ZNF197: variants seen among roughly 807,000 people sequenced by gnomAD.
ZNF197 encodes the protein VHL-associated KRAB-A domain-containing protein.
In ZNF197, 14 loss-of-function variants were observed where a neutral mutation model predicts 27.4. The observed-to-expected ratio is 0.51, with a 90% CI of 0.34 to 0.80. ZNF197 has a LOEUF of 0.80. Ranked by LOEUF, ZNF197 falls within the 30% of genes least tolerant of loss-of-function variation. The pLI is 0.02. For missense variants in ZNF197, 1,090 were observed against 1,222.6 expected, an observed-to-expected ratio of 0.89 and a Z score of 1.62; for synonymous variants, 415 against 420.0, an observed-to-expected ratio of 0.99 and a Z score of 0.15.
chr3:44,639,146 C>T (rs1472351049), intron 5 of ZNF197, among the ~76,000 whole-genome samples: 2 of 152,094 alleles, frequency 1.3e-5, no homozygotes, highest in East Asian at 3.9e-4. Context: ...TAGTGTTATA[C>T]CAACATTATT....
chr3:44,642,165 G>A lies in ZNF197; in HGVS notation c.1035G>A (p.Lys345=). The change falls in exon 6 of 6, where the codon AAG becomes AAA. Residue 345 remains lysine (K), a synonymous_variant. Coordinates refer to ENST00000344387, the MANE Select transcript of ZNF197 (RefSeq NM_006991.5). ...CAGAGAAACAAGGCCAAAAGTGGAAGGAATTAGGAGACAGCTTGACTTTCG... is the reference window on the plus strand; with the variant it reads ...CAGAGAAACAAGGCCAAAAGTGGAAAGAATTAGGAGACAGCTTGACTTTCG... ...TPPEKQGQKW[K]ELGDSLTFGS... The A allele has an allele frequency of 6.2e-7, 1 of 1,614,168 alleles. No individual in the cohort carries two copies. Among genetic ancestry groups the A allele is most frequent in the Non-Finnish European group, 8.5e-7 (1 of 1,180,026 alleles).
intron 5 of ZNF197, among the ~76,000 whole-genome samples, chr3:44,634,021 A>T (rs972929473): frequency 6.6e-6 from 1 of 152,172 alleles, no homozygotes; most frequent in African/African-American, 2.4e-5. Context: ...TAGATTTTAT[A>T]CTTTGATACA....
chr3:44,645,996 A>G lies in ZNF197; in HGVS notation c.*1776A>G, dbSNP rs1005561004. On this transcript the variant is annotated 3_prime_UTR_variant, in exon 6 of 6. Coordinates refer to ENST00000344387, the MANE Select transcript of ZNF197 (RefSeq NM_006991.5). ...CTGAATATGAAGATTGTGTTTTTTA[A>G]TAATGTCAAAGTGGTGTGTTGATTA... The G allele has an allele frequency of 5.2e-5, 51 of 985,322 alleles. No homozygotes were observed. Among genetic ancestry groups the G allele is most frequent in the Non-Finnish European group, 6.0e-5 (50 of 829,938 alleles). The allele number at this position is 985,322 out of a possible 1,614,324, so 61.0% of individuals were successfully genotyped here.
At position 44,648,229 on chromosome 3, in the gene ZNF197, C is replaced by CG. The variant is rs1703070355; in HGVS notation, c.*4011dup. The CG allele has an allele frequency of 6.6e-6, 1 of 151,822 alleles. No homozygotes were observed. Among genetic ancestry groups the CG allele is most frequent in the African/African-American group, 2.4e-5 (1 of 41,300 alleles). 9.4% of individuals were successfully genotyped at this position (151,822 alleles called of 1,614,324 possible). A position where few individuals can be genotyped will look rare whatever the true frequency, so the allele number is the denominator to read the frequency against. On this transcript the variant is annotated 3_prime_UTR_variant, in exon 6 of 6. Transcript: ENST00000344387. ...TTTTTGTTGATTTTCTTACCTGTGA[C>CG]GGTGGTGGTAGTTTGAAGAATATTC...
intron 5 of ZNF197, among the ~76,000 whole-genome samples, chr3:44,635,169 A>T (rs577139132): frequency 2.0e-5 from 2 of 100,152 alleles, no homozygotes; most frequent in East Asian, 2.0e-4. Context: ...GAGTTAAACT[A>T]AAAAAAAAAA....
Position 44,645,638 on chromosome 3 carries a change from C to G in ZNF197, c.*1418C>G, listed in dbSNP as rs1013840649. Reference sequence around the variant, plus strand: ...ATTCAGAGGGAAAAAAATCCTTGACCCGCAGTTGAGCTGATGATCCCTGCC... The same window carrying G: ...ATTCAGAGGGAAAAAAATCCTTGACGCGCAGTTGAGCTGATGATCCCTGCC... On this transcript the variant is annotated 3_prime_UTR_variant, in exon 6 of 6. Coordinates refer to ENST00000344387, the MANE Select transcript of ZNF197 (RefSeq NM_006991.5). 1.7e-5 allele frequency: 17 copies of G among 985,232 alleles called. No homozygotes were observed. The African/African-American group carries it at 3.0e-4, about 17-fold the overall frequency. 61.0% of individuals were successfully genotyped at this position (985,232 alleles called of 1,614,324 possible). A position where few individuals can be genotyped will look rare whatever the true frequency, so the allele number is the denominator to read the frequency against.
intron 5 of ZNF197, among the ~76,000 whole-genome samples, chr3:44,637,153 G>A (rs1370267888): frequency 6.6e-6 from 1 of 151,996 alleles, no homozygotes; most frequent in African/African-American, 2.4e-5. Flanking sequence ...CCATTCTGTG[G>A]GGTCTTGCCC....
At position 44,642,936 on chromosome 3, in the gene ZNF197, T is replaced by G; in HGVS notation, c.1806T>G (p.Ile602Met). The stretch of plus-strand genomic sequence containing the variant: ...TTGGTTGTAAAAAGTGTGGGAAGAT[T>G]TTCAGTTCTAAGTCAAACTTCATTG... ...KTFGCKKCGK[I>M]FSSKSNFIDH... Residue 602 changes from isoleucine to methionine, a missense_variant, in exon 6 of 6, where the codon ATT becomes ATG. Ile to Met is a conservative substitution (Grantham distance 10, BLOSUM62 1). Coordinates refer to ENST00000344387, the MANE Select transcript of ZNF197 (RefSeq NM_006991.5). The G allele has an allele frequency of 6.2e-7, 1 of 1,613,870 alleles. No homozygotes were observed. The highest frequency in any genetic ancestry group is 8.5e-7 in the Non-Finnish European group (1 of 1,179,962).
At chr3:44,635,259 A>T (rs901354969) in intron 5 of ZNF197, among the ~76,000 whole-genome samples, 3 of 149,408 alleles carry the variant, frequency 2.0e-5, no homozygotes, top group Non-Finnish European at 3.0e-5. Context: ...TTAATAAATT[A>T]AAAAAAAAAT....
At chr3:44,637,477 G>GT (rs1702364515) in intron 5 of ZNF197, among the ~76,000 whole-genome samples, 1 of 151,926 alleles carries the variant, frequency 6.6e-6, no homozygotes, top group African/African-American at 2.4e-5. Flanking sequence ...GTCATTAATT[G>GT]TGATGAATTC....
rs185430555 is a variant in ZNF197, at chr3:44,637,029, C to A, written c.769+4430C>A. 7.2e-5 allele frequency among the ~76,000 whole-genome samples: 11 copies of A among 152,196 alleles called. No homozygotes were observed. The East Asian group carries it at 2.1e-3, about 29-fold the overall frequency. On this transcript the variant is annotated intron_variant, in intron 5 of 5. Transcript: ENST00000344387. The stretch of plus-strand genomic sequence containing the variant: ...TCGGAGAAAACTGTCTATTCAGATT[C>A]TTTGTCTATATTTTAACTAAGTTAT...
In ZNF197 at chr3:44,646,483, A is replaced by G; in HGVS notation, c.*2263A>G. The stretch of plus-strand genomic sequence containing the variant: ...AATTTAATCAAGCTTCTTGGACCTC[A>G]TTGCCAGGTTACAGGAAATACAGGA... On this transcript the variant is annotated 3_prime_UTR_variant, in exon 6 of 6. Transcript: ENST00000344387. 6.2e-7 allele frequency: 1 copy of G among 1,606,264 alleles called. No homozygotes were observed. Among genetic ancestry groups the G allele is most frequent in the Non-Finnish European group, 8.5e-7 (1 of 1,172,870 alleles).
Position 44,644,110 on chromosome 3 carries a change from G to C in ZNF197, c.2980G>C (p.Glu994Gln). Residue 994 changes from glutamate to glutamine, a missense_variant, in exon 6 of 6, where the codon GAA (glutamate) becomes CAA (glutamine). Coordinates refer to ENST00000344387, the MANE Select transcript of ZNF197 (RefSeq NM_006991.5). ...KPCECDVSEKEFSQTSNLHLQ... is the reference protein window; with the variant it reads ...KPCECDVSEKQFSQTSNLHLQ... ...TTGTGAATGTGATGTGTCTGAAAAA[G>C]AATTCTCTCAGACTTCCAACCTTCA... is the stretch of plus-strand genomic sequence containing the variant. 6.2e-7 allele frequency: 1 copy of C among 1,614,034 alleles called. No individual in the cohort carries two copies. Among genetic ancestry groups the C allele is most frequent in the Non-Finnish European group, 8.5e-7 (1 of 1,180,000 alleles).
rs768709603 is a variant in ZNF197 at position 44,631,195 on chromosome 3, C to T, written c.524C>T (p.Ala175Val). ...ICPHPPTDLV[A>V]FNLQDPQHDS... ...CCGCATCCTCCTACTGACCTAGTGG[C>T]ATTCAACCTCCAGGATCCTCAGCAT... Residue 175 changes from alanine (A) to valine (V), a missense_variant, in exon 3 of 6, where the codon GCA (alanine) becomes GTA (valine). By Grantham distance (64) the Ala-to-Val change is moderately conservative. Transcript: ENST00000344387. 1.2e-4 allele frequency: 195 copies of T among 1,614,044 alleles called. No homozygotes were observed. The Middle Eastern group carries it at 4.4e-3, about 37-fold the overall frequency.
At chr3:44,639,375 T>C (rs1368381588) in intron 5 of ZNF197, among the ~76,000 whole-genome samples, 3 of 152,086 alleles carry the variant, frequency 2.0e-5, no homozygotes, top group Non-Finnish European at 4.4e-5. Context: ...TGGAAGAATT[T>C]GTGAAGAAAT....
chr3:44,646,708 T>C lies in ZNF197; in HGVS notation c.*2488T>C. 1 of 553,440 alleles carries C rather than the reference T, an allele frequency of 1.8e-6. No individual in the cohort carries two copies. Among genetic ancestry groups the C allele is most frequent in the Non-Finnish European group, 3.2e-6 (1 of 310,296 alleles). 34.3% of individuals were successfully genotyped at this position (553,440 alleles called of 1,614,324 possible). A position where few individuals can be genotyped will look rare whatever the true frequency, so the allele number is the denominator to read the frequency against. ...TTTTGTGTATGTATGAAAATTTCGA[T>C]ATGAAAGGTATAAAACATGGATGAG... On this transcript the variant is annotated 3_prime_UTR_variant, in exon 6 of 6. Coordinates refer to ENST00000344387, the MANE Select transcript of ZNF197 (RefSeq NM_006991.5).
At chr3:44,637,240 C>T (rs1702348993) in intron 5 of ZNF197, among the ~76,000 whole-genome samples, 1 of 152,052 alleles carries the variant, frequency 6.6e-6, no homozygotes, top group South Asian at 2.1e-4. Context: ...GCGATCCTCT[C>T]ACCTCAGCCT....
Position 44,643,935 on chromosome 3 carries a change from T to C in ZNF197, c.2805T>C (p.Cys935=), listed in dbSNP as rs1477844252. 3.1e-6 allele frequency: 5 copies of C among 1,614,162 alleles called. No individual in the cohort carries two copies. Among genetic ancestry groups the C allele is most frequent in the Middle Eastern group, 1.6e-4 (1 of 6,062 alleles). The stretch of plus-strand genomic sequence containing the variant: ...AAAAACCTTATGAGTGTGACAAGTG[T>C]AGGAAATCCTTTACTTCTAAGAGGA... ...TGEKPYECDK[C]RKSFTSKRNL... Residue 935 remains cysteine, a synonymous_variant, in exon 6 of 6, where the codon TGT becomes TGC. Transcript: ENST00000344387.
rs1453200818 is a variant in ZNF197 at position 44,647,790 on chromosome 3, G to A, written c.*3570G>A. 1 of 152,186 alleles carries A rather than the reference G, an allele frequency of 6.6e-6. No individual in the cohort carries two copies. Among genetic ancestry groups the A allele is most frequent in the Non-Finnish European group, 1.5e-5 (1 of 68,034 alleles). The allele number at this position is 152,186 out of a possible 1,614,324, so 9.4% of individuals were successfully genotyped here. ...ATGGATTAATGGTTGCCAAAGGTTA[G>A]GGATGGTGGGAGGAAAAATGGGGAG... On this transcript the variant is annotated 3_prime_UTR_variant, in exon 6 of 6. Coordinates refer to ENST00000344387, the MANE Select transcript of ZNF197 (RefSeq NM_006991.5).
Sources: gnomAD v4.1 joint callset for allele counts (sites outside exome capture counted in the v4.1 genomes callset) on GRCh38, gnomAD v4.1.1 for gene constraint, MANE v1.5 for transcripts, NCBI Gene and HGNC (gene_info 2026-07-23, HGNC 2026-07-21) for gene names.